The following GNB5 variants were observed in gnomAD, a reference collection of about 807,000 sequenced individuals.
The protein encoded by GNB5 is guanine nucleotide-binding protein subunit beta-5.
A neutral mutation model predicts 55.3 loss-of-function variants in GNB5; 37 were observed. The observed-to-expected ratio is 0.67, with a 90% CI of 0.51 to 0.88. GNB5 has a LOEUF of 0.88. Ranked by LOEUF, GNB5 falls within the 40% of genes least tolerant of loss-of-function variation. The pLI, the probability that GNB5 is intolerant of heterozygous loss-of-function variation, is 0.00. For synonymous variants in GNB5, 219 were observed against 198.5 expected (o/e 1.10, Z -0.87); for missense variants, 476 against 515.3 (o/e 0.92, Z 0.74).
At chr15:52,190,778 TAAAAAAAAAAAA>T (rs58614125) in intron 1 of GNB5, among the ~76,000 whole-genome samples, 91 of 96,884 alleles carry the variant, frequency 9.4e-4, no homozygotes, top group African/African-American at 3.4e-3. Flanking sequence ...CTTATTTCCT[TAAAAAAAAAAAA>T]AAAAAAAAAA....
intron 4 of GNB5, among the ~76,000 whole-genome samples, chr15:52,151,399 T>A (rs1019676172): frequency 6.6e-6 from 1 of 152,194 alleles, no homozygotes; most frequent in African/African-American, 2.4e-5. Context: ...TTAAACTAAG[T>A]GTGGTCTCCT....
chr15:52,136,565 G>A (rs1000564465), intron 7 of GNB5, among the ~76,000 whole-genome samples: 1 of 152,204 alleles, frequency 6.6e-6, no homozygotes, highest in Non-Finnish European at 1.5e-5. Flanking sequence ...GGGAGCAGCA[G>A]GGGTCTAGGC....
chr15:52,153,970 T>C lies in GNB5; in HGVS notation c.345A>G (p.Lys115=). ...ACGAGCTCACGATCCTCCTCTTATCTTTGCACCAGTCCATGCACAGGACTT... is the reference window on the plus strand; with the variant it reads ...ACGAGCTCACGATCCTCCTCTTATCCTTGCACCAGTCCATGCACAGGACTT... ...GNKVLCMDWC[K]DKRRIVSSSQ... Residue 115 remains lysine, a synonymous_variant, in exon 4 of 13, where the codon AAA becomes AAG. Coordinates refer to ENST00000261837, the MANE Select transcript of GNB5 (RefSeq NM_016194.4). 6.2e-7 allele frequency: 1 copy of C among 1,613,980 alleles called. No homozygotes were observed. The highest frequency in any genetic ancestry group is 1.3e-5 in the African/African-American group (1 of 75,064).
intron 3 of GNB5, among the ~76,000 whole-genome samples, chr15:52,156,838 C>T (rs2141217983): frequency 6.6e-6 from 1 of 152,306 alleles, no homozygotes; most frequent in East Asian, 1.9e-4. Flanking sequence ...TAAAACATTG[C>T]ATTATTTACT....
chr15:52,137,872 T>C, intron 7 of GNB5: 3 of 1,286,878 alleles, frequency 2.3e-6, no homozygotes, highest in East Asian at 5.6e-5. Context: ...GGTGAGGTGA[T>C]AAGACCGTGG....
At chr15:52,189,898 C>T (rs565517017) in intron 1 of GNB5, among the ~76,000 whole-genome samples, 9 of 151,822 alleles carry the variant, frequency 5.9e-5, no homozygotes, top group East Asian at 1.9e-4. Context: ...TGAGTAGTTG[C>T]GAGGTGGAGG....
Position 52,124,629 on chromosome 15 carries a change from C to T in GNB5, c.1020G>A (p.Leu340=). 3.1e-6 allele frequency: 5 copies of T among 1,613,766 alleles called. No individual in the cohort carries two copies. The highest frequency in any genetic ancestry group is 1.3e-5 in the African/African-American group (1 of 75,050). The part of the protein sequence containing the change: ...SVDFSLSGRL[L]FAGYNDYTIN... ...TAGTGTAATCATTGTATCCAGCAAA[C>T]AGCAGGCGACCTTGAAGCAGGGTGA... Residue 340 remains leucine (L), a synonymous_variant, in exon 12 of 13, where the codon CTG becomes CTA. Transcript: ENST00000261837.
Position 52,122,740 on chromosome 15 carries a change from G to T in GNB5, c.*17C>A. The T allele has an allele frequency of 6.3e-7, 1 of 1,580,836 alleles. No homozygotes were observed. On this transcript the variant is annotated 3_prime_UTR_variant, in exon 13 of 13. Coordinates refer to ENST00000261837, the MANE Select transcript of GNB5 (RefSeq NM_016194.4). ...TTCAAATTCTCAGGTATACATGAGT[G>T]CACTGTCAGAAGATGATTAGGCCCA...
At chr15:52,152,821 G>A (rs2034127978) in intron 4 of GNB5, among the ~76,000 whole-genome samples, 1 of 151,698 alleles carries the variant, frequency 6.6e-6, no homozygotes, top group Admixed American at 6.6e-5. Flanking sequence ...TTTTTATAAA[G>A]ACGAGGTCTC....
rs982518476 is a variant in GNB5 at position 52,118,381 on chromosome 15, ATTT to A, written c.*4373_*4375del. On this transcript the variant is annotated 3_prime_UTR_variant, in exon 13 of 13. Coordinates refer to ENST00000261837, the MANE Select transcript of GNB5 (RefSeq NM_016194.4). ...GACACTTTTTTTTTTTGTATGGGTG[ATTT>A]TTTTATTTTCATCCTCTCAGGAATT... is the stretch of plus-strand genomic sequence containing the variant. 1 of 151,162 alleles carries A rather than the reference ATTT, an allele frequency of 6.6e-6. No homozygotes were observed. Among genetic ancestry groups the A allele is most frequent in the Non-Finnish European group, 1.5e-5 (1 of 67,748 alleles). 9.4% of individuals were successfully genotyped at this position (151,162 alleles called of 1,614,324 possible). A position where few individuals can be genotyped will look rare whatever the true frequency, so the allele number is the denominator to read the frequency against.
At chr15:52,173,125 A>C (rs1296359998) in intron 3 of GNB5, among the ~76,000 whole-genome samples, 1 of 152,234 alleles carries the variant, frequency 6.6e-6, no homozygotes, top group African/African-American at 2.4e-5. Flanking sequence ...CATTCTAGTA[A>C]GGGAGACATA....
chr15:52,184,389 AGAGTCCACACCCT>A (rs1445792275), intron 2 of GNB5, among the ~76,000 whole-genome samples, 149 bp downstream of exon 2: 28 of 152,344 alleles, frequency 1.8e-4, no homozygotes, highest in African/African-American at 6.0e-4. Context: ...GTCAGACACC[AGAGTCCACACCCT>A]GAACCTCTGT....
chr15:52,151,608 G>A (rs1296590634), intron 4 of GNB5, among the ~76,000 whole-genome samples: 1 of 152,166 alleles, frequency 6.6e-6, no homozygotes, highest in African/African-American at 2.4e-5. Context: ...TTCCTGCTCT[G>A]GAGCAGAGAG....
intron 2 of GNB5, chr15:52,181,243 G>T (rs1490585746): frequency 6.6e-6 from 1 of 152,220 alleles, no homozygotes. Context: ...TTGCAGGTTA[G>T]AGTCTGGGAT....
At chr15:52,163,366 G>C (rs1390033530) in intron 3 of GNB5, among the ~76,000 whole-genome samples, 1 of 152,210 alleles carries the variant, frequency 6.6e-6, no homozygotes, top group African/African-American at 2.4e-5. Context: ...TGATGCCAGG[G>C]AGCTAAGCAC....
chr15:52,158,433 T>A (rs1337767471), intron 3 of GNB5, among the ~76,000 whole-genome samples: 1 of 152,192 alleles, frequency 6.6e-6, no homozygotes, highest in Non-Finnish European at 1.5e-5. Context: ...TAAACTTCAA[T>A]CAACGGTAGC....
chr15:52,184,792 C>T (rs112527262), intron 1 of GNB5, 98 bp from the exon 2 acceptor site: 314 of 916,956 alleles, frequency 3.4e-4, no homozygotes, highest in African/African-American at 2.4e-3. Context: ...GCTATTCAGA[C>T]GTCTACATGT....
intron 4 of GNB5, among the ~76,000 whole-genome samples, chr15:52,151,430 G>C (rs937556965): frequency 6.6e-6 from 1 of 152,190 alleles, no homozygotes; most frequent in African/African-American, 2.4e-5. Context: ...AGATTTATGT[G>C]CAGGGGCCTA....
In GNB5 at chr15:52,116,895, T is replaced by G. The variant is rs1417097903; in HGVS notation, c.*5862A>C. On this transcript the variant is annotated 3_prime_UTR_variant, in exon 13 of 13. Transcript: ENST00000261837. ...ACCATTATGTAATCCTCCTCATTTT[T>G]TCCTTTAAAAACCTTTGTTTTTCTT... 6 of 151,528 alleles carry G rather than the reference T, an allele frequency of 4.0e-5. No homozygotes were observed. Among genetic ancestry groups the G allele is most frequent in the African/African-American group, 7.3e-5 (3 of 41,006 alleles). The allele number at this position is 151,528 out of a possible 1,614,324, so 9.4% of individuals were successfully genotyped here. A position where few individuals can be genotyped will look rare whatever the true frequency, so the allele number is the denominator to read the frequency against.
Sources: allele counts gnomAD v4.1 joint callset (sites outside exome capture counted in the v4.1 genomes callset), GRCh38; gene constraint gnomAD v4.1.1; transcripts MANE v1.5; gene names NCBI Gene and HGNC (gene_info 2026-07-23, HGNC 2026-07-21).